Variants in ABCC6 observed in about 807,000 individuals in gnomAD.
The protein encoded by ABCC6 is ATP-binding cassette sub-family C member 6.
In ABCC6, 126 loss-of-function variants were observed where a neutral mutation model predicts 169.5. The observed-to-expected ratio is 0.74, with a 90% CI of 0.64 to 0.86. The LOEUF (loss-of-function observed/expected upper bound fraction) is 0.86, where lower values mean the gene tolerates loss of function less well. Among genes scored for constraint, ABCC6 ranks in the 40% least tolerant of loss-of-function variants. ABCC6 has a pLI of 0.00. For synonymous variants in ABCC6, 752 were observed against 814.7 expected (o/e 0.92, Z 1.31); for missense variants, 1,733 against 1,927.2 (o/e 0.90, Z 1.89).
chr16:16,209,887 C>T (rs1228155950), intron 6 of ABCC6, among the ~76,000 whole-genome samples: 2 of 152,202 alleles, frequency 1.3e-5, no homozygotes, highest in East Asian at 3.9e-4. Flanking sequence ...TAAGCCACCA[C>T]ACCTGGCTAA....
rs72653744 is a variant in ABCC6 at position 16,163,009 on chromosome 16, G to A, written c.3490C>T (p.Arg1164Ter). 2.2e-4 allele frequency: 357 copies of A among 1,614,070 alleles called. 1 individual carries two copies. Among genetic ancestry groups the A allele is most frequent in the East Asian group, 5.1e-4 (23 of 44,874 alleles). Residue 1164 changes from arginine (R) to a stop codon, truncating the protein, a stop_gained, in exon 24 of 31, where the codon CGA (arginine) becomes TGA (stop). Coordinates refer to ENST00000205557, the MANE Select transcript of ABCC6 (RefSeq NM_001171.6). LOFTEE classifies it high-confidence loss of function. The part of the protein sequence containing the change: ...VDESQRISFP[R>*]LVADRWLAAN... ...TCTTCCTACCTGTCAGCCACCAGTCGCGGGAAACTGATCCTCTGGCTTTCA... is the reference window on the plus strand; with the variant it reads ...TCTTCCTACCTGTCAGCCACCAGTCACGGGAAACTGATCCTCTGGCTTTCA...
Position 16,163,078 on chromosome 16 carries a change from G to A in ABCC6, c.3421C>T (p.Arg1141Ter), listed in dbSNP as rs72653706. ...FQGSTVVRAF[R>*]TQAPFVAQNN... is the part of the protein sequence containing the mutation. ...TGAGCCACAAAGGGGGCCTGGGTTC[G>A]GAATGCCCGGACCACTGTGCTGCCC... Residue 1141 changes from arginine to a stop codon, truncating the protein, a stop_gained, in exon 24 of 31, where the codon CGA becomes TGA. Transcript: ENST00000205557. LOFTEE classifies it high-confidence loss of function. The A allele has an allele frequency of 1.6e-3, 2,603 of 1,613,922 alleles. 5 individuals are homozygous for A. The highest frequency in any genetic ancestry group is 1.9e-3 in the Non-Finnish European group (2,293 of 1,180,030).
Position 16,157,714 on chromosome 16 carries a change from C to T in ABCC6, c.3831G>A (p.Glu1277=), listed in dbSNP as rs2046594504. Residue 1277 remains glutamate, a synonymous_variant, in exon 27 of 31, where the codon GAG becomes GAA. Coordinates refer to ENST00000205557, the MANE Select transcript of ABCC6 (RefSeq NM_001171.6). ...FRDFGLRYRP[E]LPLAVQGVSF... ...ACACGCCCTGCACAGCCAGCGGGAGCTCAGGTCGGTATCTTAGCCCAAAGT... is the reference window on the plus strand; with the variant it reads ...ACACGCCCTGCACAGCCAGCGGGAGTTCAGGTCGGTATCTTAGCCCAAAGT... 1.2e-6 allele frequency: 2 copies of T among 1,614,072 alleles called. No homozygotes were observed. The highest frequency in any genetic ancestry group is 1.7e-6 in the Non-Finnish European group (2 of 1,179,970).
At chr16:16,186,087 C>T (rs987086287) in intron 14 of ABCC6, among the ~76,000 whole-genome samples, 3 of 152,108 alleles carry the variant, frequency 2.0e-5, no homozygotes, top group African/African-American at 7.2e-5. Flanking sequence ...AGTTGAATGC[C>T]ACAGGCTCGG....
rs112896635 is a variant in ABCC6 at position 16,181,442 on chromosome 16, G to C, written c.2247+970C>G. Among the ~76,000 whole-genome samples the C allele has an allele frequency of 1.2e-3, 179 of 152,124 alleles. 2 individuals are homozygous for C. Among genetic ancestry groups the C allele is most frequent in the African/African-American group, 4.0e-3 (168 of 41,504 alleles). On this transcript the variant is annotated intron_variant, in intron 17 of 30. Transcript: ENST00000205557. Reference sequence around the variant, plus strand: ...CTGTGGTGGTAGATAAGGTGGTCAGGAAAGGCCTCTCTGTGAAGGTGATAG... The same window carrying C: ...CTGTGGTGGTAGATAAGGTGGTCAGCAAAGGCCTCTCTGTGAAGGTGATAG...
intron 23 of ABCC6, among the ~76,000 whole-genome samples, chr16:16,164,080 C>G (rs1051752993): frequency 2.0e-5 from 3 of 152,120 alleles, no homozygotes; most frequent in African/African-American, 7.2e-5. Flanking sequence ...GTCACCCAGG[C>G]TGGAGTGCAG....
intron 6 of ABCC6, among the ~76,000 whole-genome samples, chr16:16,209,876 G>A (rs1217812392): frequency 6.6e-6 from 1 of 152,010 alleles, no homozygotes; most frequent in East Asian, 1.9e-4. Context: ...GACTACAGGC[G>A]TAAGCCACCA....
chr16:16,183,024 T>C, intron 15 of ABCC6, 94 bp from the exon 16 acceptor site: 1 of 1,594,908 alleles, frequency 6.3e-7, no homozygotes, highest in Non-Finnish European at 8.6e-7. Flanking sequence ...GCTTTCCTGC[T>C]CTGGGAGTCT....
chr16:16,182,487 T>C lies in ABCC6; in HGVS notation c.2172A>G (p.Arg724=). ...GQELDPPWLE[R]VLEACALQPD... is the part of the protein sequence containing the mutation. ...GCTGCAGGGCACAGGCTTCTAGTAC[T>C]CTCTCCAGCCAGGGTGGGTCCAGCT... Residue 724 remains arginine (R), a synonymous_variant, in exon 17 of 31, where the codon AGA becomes AGG. Transcript: ENST00000205557. 6.2e-7 allele frequency: 1 copy of C among 1,614,138 alleles called. No individual in the cohort carries two copies. Among genetic ancestry groups the C allele is most frequent in the South Asian group, 1.1e-5 (1 of 91,084 alleles).
At chr16:16,167,749 A>G (rs941900017) in intron 22 of ABCC6, among the ~76,000 whole-genome samples, 1 of 152,212 alleles carries the variant, frequency 6.6e-6, no homozygotes, top group Admixed American at 6.5e-5. Context: ...GATTACAGGC[A>G]TGAGCCACCG....
intron 7 of ABCC6, among the ~76,000 whole-genome samples, chr16:16,208,341 T>C (rs1234899458): frequency 2.0e-5 from 3 of 150,708 alleles, no homozygotes; most frequent in African/African-American, 7.4e-5. Context: ...AATGATGAGG[T>C]TTTTTTGTTT....
intron 29 of ABCC6, among the ~76,000 whole-genome samples, chr16:16,153,056 C>T (rs564314607): frequency 1.9e-4 from 29 of 152,202 alleles, no homozygotes; most frequent in Non-Finnish European, 2.4e-4. Flanking sequence ...AGGCGCCTGC[C>T]GCCACACCCA....
chr16:16,169,575 G>A, intron 22 of ABCC6, 71 bp downstream of exon 22: 1 of 1,551,342 alleles, frequency 6.4e-7, no homozygotes, highest in Admixed American at 1.8e-5. Context: ...GGGAGGGGTG[G>A]GGTAAAGGAG....
intron 22 of ABCC6, among the ~76,000 whole-genome samples, chr16:16,168,262 C>T (rs1346256236): frequency 6.6e-6 from 1 of 152,294 alleles, no homozygotes; most frequent in African/African-American, 2.4e-5. Flanking sequence ...GAGGTTGAGG[C>T]GGAGGATTGC....
intron 10 of ABCC6, among the ~76,000 whole-genome samples, chr16:16,193,716 A>AAAAC (rs756524812): frequency 9.2e-5 from 14 of 152,308 alleles, no homozygotes; most frequent in African/African-American, 1.9e-4. Flanking sequence ...TCCGTCTCAA[A>AAAAC]AAACAAACAA....
intron 20 of ABCC6, 84 bp from the exon 21 acceptor site, chr16:16,173,488 G>A: frequency 6.5e-7 from 1 of 1,538,492 alleles, no homozygotes; most frequent in Admixed American, 1.7e-5. Flanking sequence ...CCCACTGACA[G>A]CCACTGAGCT....
chr16:16,214,746 A>C (rs538337430), intron 4 of ABCC6, among the ~76,000 whole-genome samples: 2 of 152,258 alleles, frequency 1.3e-5, no homozygotes, highest in South Asian at 2.1e-4. Flanking sequence ...TTGGGATTAC[A>C]GGTGCCCACC....
rs754667289 is a variant in ABCC6 at position 16,187,229 on chromosome 16, G to A, written c.1780-18C>T. On this transcript the variant is annotated intron_variant, in intron 13 of 30. Coordinates refer to ENST00000205557, the MANE Select transcript of ABCC6 (RefSeq NM_001171.6). Reference sequence around the variant, plus strand: ...ACCCGGGCCTAGGAAAACCGAAGCCGCAGGTCACCCAGCAAGAAGAGCAAA... The same window carrying A: ...ACCCGGGCCTAGGAAAACCGAAGCCACAGGTCACCCAGCAAGAAGAGCAAA... The A allele has an allele frequency of 2.2e-5, 36 of 1,606,584 alleles. No homozygotes were observed. The highest frequency in any genetic ancestry group is 1.6e-4 in the Middle Eastern group (1 of 6,076).
intron 29 of ABCC6, among the ~76,000 whole-genome samples, chr16:16,151,928 C>G (rs2046396170): frequency 6.6e-6 from 1 of 152,006 alleles, no homozygotes; most frequent in Non-Finnish European, 1.5e-5. Context: ...CACGGCGGCT[C>G]ACACCTGTAA....
Sources: gnomAD v4.1 joint callset for allele counts (sites outside exome capture counted in the v4.1 genomes callset) on GRCh38, gnomAD v4.1.1 for gene constraint, MANE v1.5 for transcripts, NCBI Gene and HGNC (gene_info 2026-07-23, HGNC 2026-07-21) for gene names.